ZNF362: variants seen among roughly 807,000 people sequenced by gnomAD.
ZNF362 encodes the protein zinc finger protein 362, also known as rotund homolog.
In ZNF362, 11 loss-of-function variants were observed where a neutral mutation model predicts 42.9. That is an observed-to-expected ratio of 0.26 (90% CI 0.16 to 0.42). ZNF362 has a LOEUF of 0.42. Ranked by LOEUF, ZNF362 falls within the 20% of genes least tolerant of loss-of-function variation. The probability of loss-of-function intolerance (pLI) is 1.00; values close to 1 mark genes in which losing one functional copy is unlikely to be tolerated. For missense variants in ZNF362, 362 were observed against 576.2 expected, an observed-to-expected ratio of 0.63 and a Z score of 3.81; for synonymous variants, 255 against 257.3, an observed-to-expected ratio of 0.99 and a Z score of 0.09.
chr1:33,262,460 C>T (rs1265068559), intron 1 of ZNF362, among the ~76,000 whole-genome samples: 2 of 152,048 alleles, frequency 1.3e-5, no homozygotes, highest in South Asian at 2.1e-4. Flanking sequence ...GTGCCCACCA[C>T]CACGCCCAGC....
Position 33,256,507 on chromosome 1 carries a change from G to A in ZNF362, c.-236G>A. The A allele has an allele frequency of 6.5e-6, 1 of 153,944 alleles. No individual in the cohort carries two copies. The allele number at this position is 153,944 out of a possible 1,614,324, so 9.5% of individuals were successfully genotyped here. On this transcript the variant is annotated 5_prime_UTR_variant, in exon 1 of 9. Coordinates refer to ENST00000539719, the MANE Select transcript of ZNF362 (RefSeq NM_152493.3). Reference sequence around the variant, plus strand: ...TGCAGAACCCAGAAGTGAACAGCAGGCGACCCGGAAGGTTTGCGCGCGGCT... The same window carrying A: ...TGCAGAACCCAGAAGTGAACAGCAGACGACCCGGAAGGTTTGCGCGCGGCT...
the ZNF362 span, among the ~76,000 whole-genome samples, chr1:33,196,899 C>T: frequency 4.5e-3 from 689 of 152,246 alleles, 6 homozygotes; most frequent in African/African-American, 0.015. Flanking sequence ...TGGCAAAGTA[C>T]TGTTTCTGGG....
At chr1:33,169,435 A>G in the ZNF362 span, among the ~76,000 whole-genome samples, 1 of 152,166 alleles carries the variant, frequency 6.6e-6, no homozygotes, top group Non-Finnish European at 1.5e-5. Flanking sequence ...CTGTGGCCCC[A>G]GGCTCCTCCC....
At chr1:33,177,406 C>A in the ZNF362 span, among the ~76,000 whole-genome samples, 3 of 152,106 alleles carry the variant, frequency 2.0e-5, no homozygotes, top group African/African-American at 7.3e-5. This position sits in a 1 kb window ranked among gnomAD's most constrained non-coding sequence, Gnocchi z 4.1. Context: ...TATAGATGAA[C>A]CTTAGAGAAG....
chr1:33,215,308 T>C, the ZNF362 span, among the ~76,000 whole-genome samples: 1 of 151,684 alleles, frequency 6.6e-6, no homozygotes, highest in African/African-American at 2.4e-5. Flanking sequence ...ATTGAACTCA[T>C]GAAGATAGAG....
chr1:33,181,038 A>C, the ZNF362 span: 1 of 1,375,516 alleles, frequency 7.3e-7, no homozygotes, highest in East Asian at 4.3e-5. The surrounding 1 kb of genome is among the most constrained non-coding windows in gnomAD (Gnocchi z 6.5). Flanking sequence ...CAGCTCGTCG[A>C]AGGCGTCGTC....
chr1:33,144,155 T>C, the ZNF362 span, among the ~76,000 whole-genome samples: 4 of 148,330 alleles, frequency 2.7e-5, no homozygotes, highest in Non-Finnish European at 6.0e-5. Flanking sequence ...TTTTTTTTTT[T>C]GAGACGGAGT....
the ZNF362 span, among the ~76,000 whole-genome samples, chr1:33,209,652 G>T: frequency 2.0e-5 from 3 of 152,174 alleles, no homozygotes; most frequent in Non-Finnish European, 2.9e-5. Flanking sequence ...TTAGTCTTGA[G>T]AGGGTGTATG....
chr1:33,247,303 A>G, the ZNF362 span, among the ~76,000 whole-genome samples: 1 of 152,248 alleles, frequency 6.6e-6, no homozygotes, highest in African/African-American at 2.4e-5. Flanking sequence ...TATTTTACAT[A>G]TAGAGTAACT....
At chr1:33,177,039 GCACACACACA>G in the ZNF362 span, among the ~76,000 whole-genome samples, 1 of 58,784 alleles carries the variant, frequency 1.7e-5, no homozygotes, top group Admixed American at 1.6e-4. This position sits in a 1 kb window ranked among gnomAD's most constrained non-coding sequence, Gnocchi z 4.1. Flanking sequence ...ACATACACAT[GCACACACACA>G]CGCACACACA....
chr1:33,285,472 T>A (rs1313729350), intron 6 of ZNF362, among the ~76,000 whole-genome samples: 5 of 152,190 alleles, frequency 3.3e-5, no homozygotes, highest in Non-Finnish European at 7.3e-5. Flanking sequence ...CAGGGTCTTT[T>A]AATCCCATAA....
chr1:33,234,574 C>T, the ZNF362 span, among the ~76,000 whole-genome samples: 1 of 152,134 alleles, frequency 6.6e-6, no homozygotes, highest in Admixed American at 6.6e-5. Context: ...GGAAATGGAC[C>T]CTCCGCATCA....
the ZNF362 span, among the ~76,000 whole-genome samples, chr1:33,156,755 C>G: frequency 6.6e-6 from 1 of 152,224 alleles, no homozygotes; most frequent in Non-Finnish European, 1.5e-5. Flanking sequence ...AGCATCAGTG[C>G]TGAGATAACT....
the ZNF362 span, chr1:33,181,332 C>T: frequency 1.3e-6 from 2 of 1,577,620 alleles, no homozygotes; most frequent in Non-Finnish European, 1.7e-6. This position sits in a 1 kb window ranked among gnomAD's most constrained non-coding sequence, Gnocchi z 6.5. Flanking sequence ...CTCCGTGATG[C>T]AGCGGCGGCA....
At chr1:33,165,591 G>T in the ZNF362 span, 1 of 1,581,790 alleles carries the variant, frequency 6.3e-7, no homozygotes, top group South Asian at 1.1e-5. The surrounding 1 kb of genome is among the most constrained non-coding windows in gnomAD (Gnocchi z 4.0). Flanking sequence ...GGGCCGGGAT[G>T]GGGGCAGGGG....
the ZNF362 span, chr1:33,158,266 C>G: frequency 6.2e-7 from 1 of 1,613,860 alleles, no homozygotes; most frequent in Non-Finnish European, 8.5e-7. Flanking sequence ...GGTGGATGTC[C>G]TGGAACAGGG....
chr1:33,226,905 A>G, the ZNF362 span, among the ~76,000 whole-genome samples: 2 of 152,156 alleles, frequency 1.3e-5, no homozygotes, highest in Non-Finnish European at 2.9e-5. Flanking sequence ...CCATTATGCT[A>G]AGTGAAATAA....
At chr1:33,245,376 T>G in the ZNF362 span, among the ~76,000 whole-genome samples, 1 of 152,012 alleles carries the variant, frequency 6.6e-6, no homozygotes, top group African/African-American at 2.4e-5. Context: ...CCATGCCTAA[T>G]CCTGAGGCAT....
At chr1:33,181,272 C>G in the ZNF362 span, 7 of 1,547,588 alleles carry the variant, frequency 4.5e-6, no homozygotes, top group East Asian at 2.4e-5. This position sits in a 1 kb window ranked among gnomAD's most constrained non-coding sequence, Gnocchi z 6.5. Flanking sequence ...GAACGTGCGC[C>G]GGCACTCGGG....
Sources: allele counts gnomAD v4.1 joint callset (sites outside exome capture counted in the v4.1 genomes callset), GRCh38; gene constraint gnomAD v4.1.1; non-coding constraint Gnocchi (gnomAD v3.1); transcripts MANE v1.5; gene names NCBI Gene and HGNC (gene_info 2026-07-23, HGNC 2026-07-21).